Variants in C8orf58 observed in about 807,000 individuals in gnomAD.
C8orf58 encodes uncharacterized protein C8orf58.
In C8orf58, 31 loss-of-function variants were observed where a neutral mutation model predicts 36.8. The ratio of observed to expected loss-of-function variants is 0.84; its 90% CI spans 0.63 to 1.14. The LOEUF (loss-of-function observed/expected upper bound fraction) is 1.14, where lower values mean the gene tolerates loss of function less well. C8orf58 is among the 50% of genes most tolerant of loss of function. C8orf58 has a pLI of 0.00. For missense variants in C8orf58, 538 were observed against 480.8 expected, an observed-to-expected ratio of 1.12 and a Z score of -1.11; for synonymous variants, 230 against 200.2, an observed-to-expected ratio of 1.15 and a Z score of -1.26.
At chr8:22,602,676 G>T (rs754429346) in intron 6 of C8orf58, 33 bp downstream of exon 6, 1 of 1,363,704 alleles carries the variant, frequency 7.3e-7, no homozygotes, top group African/African-American at 1.5e-5. Context: ...GTTAGGGCAC[G>T]GAGAGGAGAC....
chr8:22,601,592 C>T (rs1304548047), intron 2 of C8orf58, 120 bp from the exon 3 acceptor site: 18 of 1,256,446 alleles, frequency 1.4e-5, no homozygotes, highest in Middle Eastern at 2.9e-4. Flanking sequence ...AAGCCGGCTG[C>T]GTGTGTTCCT....
intron 1 of C8orf58, chr8:22,600,573 G>T: frequency 2.6e-6 from 1 of 379,602 alleles, no homozygotes; most frequent in Non-Finnish European, 4.9e-6. Context: ...TCGGGAGATC[G>T]TGGGCTGATC....
chr8:22,601,674 A>G (rs1285568809), intron 2 of C8orf58, 38 bp from the exon 3 acceptor site: 3 of 1,568,696 alleles, frequency 1.9e-6, no homozygotes, highest in African/African-American at 1.4e-5. Context: ...CAGGAGCCCT[A>G]CTGGCTGAAA....
intron 2 of C8orf58, 98 bp from the exon 3 acceptor site, chr8:22,601,614 A>C: frequency 7.1e-7 from 1 of 1,404,174 alleles, no homozygotes; most frequent in South Asian, 1.4e-5. Context: ...CTCGGGGCCC[A>C]CTCTGCTCCC....
At position 22,603,489 on chromosome 8, in the gene C8orf58, G is replaced by A; in HGVS notation, c.*183G>A. ...GTCTGGTCAGGAACCTTGGTTTCTT[G>A]AGAGGCCCCCAAGATGCCGCAGCTC... is the stretch of plus-strand genomic sequence containing the variant. On this transcript the variant is annotated 3_prime_UTR_variant, in exon 7 of 7. Coordinates refer to ENST00000289989, the MANE Select transcript of C8orf58 (RefSeq NM_001013842.3). 1.5e-6 allele frequency: 1 copy of A among 654,104 alleles called. No homozygotes were observed. The highest frequency in any genetic ancestry group is 1.6e-5 in the South Asian group (1 of 63,444). The allele number at this position is 654,104 out of a possible 1,614,324, so 40.5% of individuals were successfully genotyped here.
Position 22,601,576 on chromosome 8 carries a change from G to A in C8orf58, c.517-136G>A, listed in dbSNP as rs1424638031. 7.7e-6 allele frequency: 9 copies of A among 1,175,126 alleles called. No individual in the cohort carries two copies. In the East Asian group the frequency reaches 9.6e-5, roughly 12 times the overall value. The allele number at this position is 1,175,126 out of a possible 1,614,324, so 72.8% of individuals were successfully genotyped here. A position where few individuals can be genotyped will look rare whatever the true frequency, so the allele number is the denominator to read the frequency against. On this transcript the variant is annotated intron_variant, in intron 2 of 6. Coordinates refer to ENST00000289989, the MANE Select transcript of C8orf58 (RefSeq NM_001013842.3). ...TCCTGGCACTATGCCCCGCTGGGCA[G>A]TGGGGAAGCCGGCTGCGTGTGTTCC...
chr8:22,602,433 G>A lies in C8orf58; in HGVS notation c.880-104G>A. ...GAAATGACAGGATTGATTCCTGTTTGGAGCAGGCGACTTGTCCTGGCTGTG... is the reference window on the plus strand; with the variant it reads ...GAAATGACAGGATTGATTCCTGTTTAGAGCAGGCGACTTGTCCTGGCTGTG... On this transcript the variant is annotated intron_variant, in intron 5 of 6. Coordinates refer to ENST00000289989, the MANE Select transcript of C8orf58 (RefSeq NM_001013842.3). The A allele has an allele frequency of 3.0e-6, 4 of 1,324,916 alleles. No individual in the cohort carries two copies. The South Asian group carries it at 3.7e-5, about 12-fold the overall frequency. The allele number at this position is 1,324,916 out of a possible 1,614,324, so 82.1% of individuals were successfully genotyped here.
chr8:22,602,869 A>G, intron 6 of C8orf58: 1 of 580,244 alleles, frequency 1.7e-6, no homozygotes, highest in Non-Finnish European at 3.1e-6. Context: ...ACGGTGAGTC[A>G]GTGACAGCTA....
Position 22,601,041 on chromosome 8 carries a change from G to A in C8orf58, c.200G>A (p.Arg67Gln), listed in dbSNP as rs772012529. The A allele has an allele frequency of 6.2e-6, 10 of 1,612,710 alleles. No homozygotes were observed. Among genetic ancestry groups the A allele is most frequent in the East Asian group, 4.5e-5 (2 of 44,894 alleles). Residue 67 changes from arginine to glutamine, a missense_variant, in exon 2 of 7, where the codon CGG (arginine) becomes CAG (glutamine). Coordinates refer to ENST00000289989, the MANE Select transcript of C8orf58 (RefSeq NM_001013842.3). Reference sequence around the variant, plus strand: ...GCACTCTTTCTCAAACTGGCCTCCCGGGACTCAGGAGTGGAGATGGCAGTT... The same window carrying A: ...GCACTCTTTCTCAAACTGGCCTCCCAGGACTCAGGAGTGGAGATGGCAGTT... ...REALFLKLASRDSGVEMAVGD... is the reference protein window; with the variant it reads ...REALFLKLASQDSGVEMAVGD...
rs1433757765 is a variant in C8orf58 at position 22,603,964 on chromosome 8, C to T, written c.*658C>T. The T allele has an allele frequency of 1.2e-5, 2 of 165,472 alleles. No individual in the cohort carries two copies. The highest frequency in any genetic ancestry group is 2.7e-5 in the Non-Finnish European group (2 of 75,160). The allele number at this position is 165,472 out of a possible 1,614,324, so 10.3% of individuals were successfully genotyped here. A position where few individuals can be genotyped will look rare whatever the true frequency, so the allele number is the denominator to read the frequency against. The stretch of plus-strand genomic sequence containing the variant: ...AATAACTTTCAAAGCCAGTGCTCAG[C>T]TTCTCTGCTCCGTACTAGCGTTTAC... On this transcript the variant is annotated 3_prime_UTR_variant, in exon 7 of 7. Coordinates refer to ENST00000289989, the MANE Select transcript of C8orf58 (RefSeq NM_001013842.3).
chr8:22,603,097 A>G (rs758105830), intron 6 of C8orf58, 98 bp from the exon 7 acceptor site: 17 of 901,336 alleles, frequency 1.9e-5, no homozygotes, highest in Non-Finnish European at 3.1e-5. Context: ...GCCCACACCC[A>G]GCTACCCACC....
intron 1 of C8orf58, among the ~76,000 whole-genome samples, 191 bp from the exon 2 acceptor site, chr8:22,600,691 C>T (rs1800820624): frequency 6.6e-6 from 1 of 152,246 alleles, no homozygotes; most frequent in African/African-American, 2.4e-5. Context: ...CGCTAACAAC[C>T]GTTGCGAAGG....
In C8orf58 at chr8:22,601,786, G is replaced by A; in HGVS notation, c.591G>A (p.Leu197=). ...QGLRYLEHLC[L]VLEQMARLQQ... ...TTCGCTATCTGGAACACCTGTGCCT[G>A]GTGCTGGAGCAGATGGCAAGGCTCC... is the stretch of plus-strand genomic sequence containing the variant. The change falls in exon 3 of 7, where the codon CTG becomes CTA. Residue 197 remains leucine, a synonymous_variant. Coordinates refer to ENST00000289989, the MANE Select transcript of C8orf58 (RefSeq NM_001013842.3). 1.1e-5 allele frequency: 18 copies of A among 1,612,496 alleles called. No individual in the cohort carries two copies. Among genetic ancestry groups the A allele is most frequent in the Non-Finnish European group, 1.4e-5 (17 of 1,179,804 alleles).
chr8:22,601,708 A>G lies in C8orf58; in HGVS notation c.517-4A>G, dbSNP rs753999819. On this transcript the variant is annotated splice_polypyrimidine_tract_variant and splice_region_variant and intron_variant, in intron 2 of 6. Transcript: ENST00000289989. ...AATCTCCCCTATCTCACAATGTCCC[A>G]CAGGTGGGGGGCCTGGGGCCTGGAG... The G allele has an allele frequency of 3.9e-5, 63 of 1,601,144 alleles. No homozygotes were observed. Among genetic ancestry groups the G allele is most frequent in the Non-Finnish European group, 5.3e-5 (62 of 1,175,216 alleles).
In C8orf58 at chr8:22,599,767, C is replaced by G; in HGVS notation, c.40+7C>G. ...TTCGCCGTGGACGGCCGGGGTGAGTCACCCACCCCCAGGCTGGCCGGGCTC... is the reference window on the plus strand; with the variant it reads ...TTCGCCGTGGACGGCCGGGGTGAGTGACCCACCCCCAGGCTGGCCGGGCTC... On this transcript the variant is annotated splice_region_variant and intron_variant, in intron 1 of 6. Transcript: ENST00000289989. 8.2e-7 allele frequency: 1 copy of G among 1,213,048 alleles called. No individual in the cohort carries two copies. The highest frequency in any genetic ancestry group is 1.0e-6 in the Non-Finnish European group (1 of 974,004). The allele number at this position is 1,213,048 out of a possible 1,614,324, so 75.1% of individuals were successfully genotyped here.
intron 1 of C8orf58, chr8:22,599,973 C>T (rs1350819263): frequency 2.5e-5 from 9 of 362,264 alleles, no homozygotes; most frequent in Non-Finnish European, 4.4e-5. Flanking sequence ...AGGCGTTAAA[C>T]CAGCCACCGC....
intron 1 of C8orf58, chr8:22,600,535 G>A (rs1012284106): frequency 5.6e-5 from 17 of 304,790 alleles, no homozygotes; most frequent in Non-Finnish European, 1.1e-4. Context: ...GGGAGCAGCG[G>A]AAGAGCCTGT....
At position 22,601,201 on chromosome 8, in the gene C8orf58, G is replaced by T; in HGVS notation, c.360G>T (p.Arg120=). The T allele has an allele frequency of 6.2e-7, 1 of 1,608,672 alleles. No homozygotes were observed. The change falls in exon 2 of 7, where the codon CGG becomes CGT. Residue 120 remains arginine (R), a synonymous_variant. Coordinates refer to ENST00000289989, the MANE Select transcript of C8orf58 (RefSeq NM_001013842.3). ...AGAAGCTGGGGGAGGTGTTGGAGCGGTCCCGCCGGCTCCCAACAGCTCCCA... is the reference window on the plus strand; with the variant it reads ...AGAAGCTGGGGGAGGTGTTGGAGCGTTCCCGCCGGCTCCCAACAGCTCCCA... ...ASQKLGEVLE[R]SRRLPTAPTS... is the part of the protein sequence containing the mutation.
chr8:22,600,458 T>TC (rs1800814234), intron 1 of C8orf58: 1 of 179,730 alleles, frequency 5.6e-6, no homozygotes, highest in Non-Finnish European at 1.2e-5. Context: ...GCAGGTTGGA[T>TC]CCCAGGCTTT....
Sources: gnomAD v4.1 joint callset for allele counts (sites outside exome capture counted in the v4.1 genomes callset) on GRCh38, gnomAD v4.1.1 for gene constraint, MANE v1.5 for transcripts, NCBI Gene and HGNC (gene_info 2026-07-23, HGNC 2026-07-21) for gene names.